The following ROBO1 variants were observed in gnomAD, a reference collection of about 807,000 sequenced individuals.
The protein encoded by ROBO1 is roundabout homolog 1.
In ROBO1, 149 loss-of-function variants were observed where a neutral mutation model predicts 195.9. The observed-to-expected ratio is 0.76, with a 90% CI of 0.67 to 0.87. The LOEUF (loss-of-function observed/expected upper bound fraction) is 0.87. Ranked by LOEUF, ROBO1 falls within the 40% of genes least tolerant of loss-of-function variation. The pLI is 0.00. For missense variants in ROBO1, 1,933 were observed against 2,068.3 expected (o/e 0.93, Z 1.27); for synonymous variants, 816 against 733.2 (o/e 1.11, Z -1.82).
At chr3:79,017,750 A>G (rs1050392276) in intron 3 of ROBO1, among the ~76,000 whole-genome samples, 12 of 152,106 alleles carry the variant, frequency 7.9e-5, no homozygotes, top group East Asian at 1.9e-4. Flanking sequence ...TCTTTCGCCA[A>G]TGAGAATCCC....
chr3:78,922,430 A>T (rs917925974), intron 4 of ROBO1, among the ~76,000 whole-genome samples: 3 of 152,046 alleles, frequency 2.0e-5, no homozygotes, highest in Non-Finnish European at 4.4e-5. Context: ...AAAATATACA[A>T]ATTCTCATAG....
intron 3 of ROBO1, among the ~76,000 whole-genome samples, chr3:78,977,766 TGA>T (rs2076913539): frequency 6.6e-6 from 1 of 152,030 alleles, no homozygotes; most frequent in South Asian, 2.1e-4. Flanking sequence ...TCCTACTCAC[TGA>T]GGTATGCACT....
intron 3 of ROBO1, among the ~76,000 whole-genome samples, chr3:79,017,280 T>C (rs1172439599): frequency 6.6e-6 from 1 of 152,128 alleles, no homozygotes; most frequent in Non-Finnish European, 1.5e-5. Flanking sequence ...CTGTTAACTG[T>C]CTTAAGTAAA....
intron 4 of ROBO1, among the ~76,000 whole-genome samples, chr3:78,778,859 A>G (rs1268992043): frequency 1.3e-5 from 2 of 152,116 alleles, no homozygotes; most frequent in African/African-American, 4.8e-5. Context: ...TAACTTCAAA[A>G]TATAGTACAA....
At chr3:79,174,610 T>A (rs2081232053) in intron 2 of ROBO1, among the ~76,000 whole-genome samples, 1 of 152,138 alleles carries the variant, frequency 6.6e-6, no homozygotes, top group African/African-American at 2.4e-5. Flanking sequence ...TAGGAACACG[T>A]GGGTTCATTT....
chr3:79,083,919 T>C (rs927605415), intron 3 of ROBO1, among the ~76,000 whole-genome samples: 9 of 152,180 alleles, frequency 5.9e-5, no homozygotes, highest in African/African-American at 7.2e-5. Context: ...TTTGTTGCCA[T>C]AAGTCACTCC....
intron 2 of ROBO1, among the ~76,000 whole-genome samples, chr3:79,473,249 G>A (rs1389728008): frequency 3.3e-5 from 5 of 152,062 alleles, no homozygotes; most frequent in African/African-American, 1.2e-4. Context: ...AAGACCATGT[G>A]AAGACTGAGG....
intron 2 of ROBO1, among the ~76,000 whole-genome samples, chr3:79,151,140 TC>T (rs2080761410): frequency 6.6e-6 from 1 of 151,874 alleles, no homozygotes; most frequent in Non-Finnish European, 1.5e-5. Flanking sequence ...ATTTTGCTCC[TC>T]CTTGCCTTCC....
chr3:79,316,549 A>G (rs989247336), intron 2 of ROBO1, among the ~76,000 whole-genome samples: 5 of 152,134 alleles, frequency 3.3e-5, no homozygotes, highest in East Asian at 1.9e-4. Context: ...GGTGGGGGGA[A>G]CTTTTGGAAG....
chr3:79,569,183 G>T (rs1367456454), intron 2 of ROBO1, among the ~76,000 whole-genome samples: 1 of 152,234 alleles, frequency 6.6e-6, no homozygotes, highest in East Asian at 1.9e-4. Flanking sequence ...AACCTTTAAA[G>T]GTATTGATTT....
At chr3:79,190,591 G>T (rs2081523201) in intron 2 of ROBO1, among the ~76,000 whole-genome samples, 2 of 151,476 alleles carry the variant, frequency 1.3e-5, no homozygotes, top group Non-Finnish European at 3.0e-5. Context: ...ATAAATCAGT[G>T]TTGTTGCATT....
intron 3 of ROBO1, among the ~76,000 whole-genome samples, chr3:78,989,241 A>G (rs766584207): frequency 1.3e-5 from 2 of 152,232 alleles, no homozygotes; most frequent in Non-Finnish European, 2.9e-5. Context: ...ACCATACATT[A>G]TATGTATTAA....
At chr3:79,150,718 G>C (rs562730384) in intron 2 of ROBO1, among the ~76,000 whole-genome samples, 21 of 151,804 alleles carry the variant, frequency 1.4e-4, no homozygotes, top group African/African-American at 4.6e-4. Context: ...AGAGCTACAG[G>C]TTTACACATA....
At chr3:79,344,596 A>G (rs1408887075) in intron 2 of ROBO1, among the ~76,000 whole-genome samples, 1 of 152,180 alleles carries the variant, frequency 6.6e-6, no homozygotes, top group African/African-American at 2.4e-5. Flanking sequence ...CTAGTGTATA[A>G]TATAGAATTA....
intron 1 of ROBO1, among the ~76,000 whole-genome samples, chr3:79,625,847 A>G: frequency 6.6e-6 from 1 of 152,192 alleles, no homozygotes; most frequent in Non-Finnish European, 1.5e-5. Context: ...ACGCCTCTCT[A>G]ACTAGTTTTA....
chr3:78,617,459 A>G (rs1704175763), intron 27 of ROBO1, among the ~76,000 whole-genome samples, 176 bp downstream of exon 27: 1 of 152,116 alleles, frequency 6.6e-6, no homozygotes, highest in Non-Finnish European at 1.5e-5. Flanking sequence ...GGAAAAGGGA[A>G]TAATCCAACT....
chr3:79,560,400 G>A (rs1942868181), intron 2 of ROBO1, among the ~76,000 whole-genome samples: 2 of 103,484 alleles, frequency 1.9e-5, no homozygotes, highest in Admixed American at 2.2e-4. Flanking sequence ...GGGGGAGGGG[G>A]AGGGATAGCA....
intron 2 of ROBO1, among the ~76,000 whole-genome samples, chr3:79,481,726 A>G (rs1308153897): frequency 2.0e-5 from 3 of 152,102 alleles, no homozygotes; most frequent in Non-Finnish European, 2.9e-5. Context: ...AATCTTATTC[A>G]TTTTGCCACT....
intron 23 of ROBO1, 126 bp downstream of exon 23, chr3:78,635,647 A>T: frequency 1.2e-6 from 1 of 835,062 alleles, no homozygotes; most frequent in Non-Finnish European, 1.8e-6. Flanking sequence ...GAAACCAAAG[A>T]AATAAGAAAA....
Sources: allele counts gnomAD v4.1 joint callset (sites outside exome capture counted in the v4.1 genomes callset), GRCh38; gene constraint gnomAD v4.1.1; transcripts MANE v1.5; gene names NCBI Gene and HGNC (gene_info 2026-07-23, HGNC 2026-07-21).